Variants in SLC1A2 observed in about 807,000 individuals in gnomAD.
SLC1A2 encodes solute carrier family 1 member 2.
SLC1A2 carries 15 observed loss-of-function variants against 48.8 expected under a neutral mutation model. The observed-to-expected ratio is 0.31, with a 90% CI of 0.21 to 0.47. The LOEUF is 0.47. Ranked by LOEUF, SLC1A2 falls within the 20% of genes least tolerant of loss-of-function variation. The pLI is 0.99. For missense variants in SLC1A2, 502 were observed against 730.5 expected, an observed-to-expected ratio of 0.69 and a Z score of 3.61; for synonymous variants, 279 against 272.6, an observed-to-expected ratio of 1.02 and a Z score of -0.23.
chr11:35,333,830 T>A (rs1342244622), intron 1 of SLC1A2, among the ~76,000 whole-genome samples: 1 of 23,076 alleles, frequency 4.3e-5, no homozygotes, highest in African/African-American at 1.4e-4. Flanking sequence ...CCAGCTAATT[T>A]TTTTTTTTTT....
At chr11:35,264,560 C>G (rs1206316448) in intron 10 of SLC1A2, among the ~76,000 whole-genome samples, 1 of 152,194 alleles carries the variant, frequency 6.6e-6, no homozygotes, top group East Asian at 1.9e-4. Context: ...GAAGGCTAGA[C>G]AGAGCCCATC....
At chr11:35,300,578 C>T (rs967029257) in intron 6 of SLC1A2, among the ~76,000 whole-genome samples, 3 of 152,218 alleles carry the variant, frequency 2.0e-5, no homozygotes, top group African/African-American at 7.2e-5. Flanking sequence ...ACCAAATCTG[C>T]TAGTACCTTG....
At chr11:35,301,694 CT>C (rs775211916) in intron 5 of SLC1A2, 49 bp from the exon 6 acceptor site, 2 of 1,574,838 alleles carry the variant, frequency 1.3e-6, no homozygotes, top group East Asian at 2.3e-5. Flanking sequence ...AAAAAATGTA[CT>C]TTTTCTCCCT....
chr11:35,288,304 T>C (rs1466008118), intron 7 of SLC1A2, among the ~76,000 whole-genome samples: 1 of 152,232 alleles, frequency 6.6e-6, no homozygotes, highest in East Asian at 1.9e-4. Context: ...TCATGCCTCC[T>C]TCTTGGTCTG....
At chr11:35,294,254 A>C (rs1438907688) in intron 6 of SLC1A2, among the ~76,000 whole-genome samples, 1 of 152,222 alleles carries the variant, frequency 6.6e-6, no homozygotes, top group African/African-American at 2.4e-5. Flanking sequence ...GACACAAATT[A>C]GTTAAACTAA....
At chr11:35,301,393 A>G (rs11033064) in intron 6 of SLC1A2, 126 bp downstream of exon 6, 187,848 of 802,360 alleles carry the variant, frequency 0.23, 23,331 homozygotes, top group Admixed American at 0.28. Flanking sequence ...CCTTTCTCAA[A>G]GTCTTTCTGG....
intron 1 of SLC1A2, among the ~76,000 whole-genome samples, chr11:35,335,230 C>T (rs1337651510): frequency 6.6e-6 from 1 of 152,156 alleles, no homozygotes. Context: ...CAAACTTCTC[C>T]TCCAGTCTCA....
chr11:35,358,652 T>A (rs558697800), intron 1 of SLC1A2, among the ~76,000 whole-genome samples: 2 of 152,192 alleles, frequency 1.3e-5, no homozygotes, highest in African/African-American at 4.8e-5. Flanking sequence ...TATTTTTTTA[T>A]CATCATCTTG....
At chr11:35,287,020 G>GCATAAAT (rs1850844009) in intron 7 of SLC1A2, 69 bp from the exon 8 acceptor site, 2 of 1,191,232 alleles carry the variant, frequency 1.7e-6, no homozygotes, top group Non-Finnish European at 2.5e-6. Context: ...TGCATAAACT[G>GCATAAAT]GAATGCCACT....
intron 4 of SLC1A2, among the ~76,000 whole-genome samples, chr11:35,311,953 AC>A: frequency 8.5e-6 from 1 of 118,090 alleles, no homozygotes; most frequent in Non-Finnish European, 1.7e-5. Context: ...AGAAAGGAGG[AC>A]AATCCCACAG....
chr11:35,381,441 T>C (rs1322151708), intron 1 of SLC1A2, among the ~76,000 whole-genome samples: 1 of 150,684 alleles, frequency 6.6e-6, no homozygotes, highest in African/African-American at 2.4e-5. Context: ...ATGGGGAGAG[T>C]AGCAAAGTCT....
intron 1 of SLC1A2, among the ~76,000 whole-genome samples, chr11:35,403,533 C>T (rs553756882): frequency 2.0e-5 from 3 of 152,264 alleles, no homozygotes; most frequent in South Asian, 2.1e-4. Context: ...TGGGTCTGCA[C>T]GTAATTTGGG....
chr11:35,305,350 C>G (rs151236430), intron 5 of SLC1A2, among the ~76,000 whole-genome samples: 2 of 152,320 alleles, frequency 1.3e-5, no homozygotes, highest in African/African-American at 2.4e-5. Flanking sequence ...CACATTTCAT[C>G]CTCACAGTAA....
chr11:35,259,430 T>C lies in SLC1A2; in HGVS notation c.*1464A>G, dbSNP rs1185203453. On this transcript the variant is annotated 3_prime_UTR_variant, in exon 11 of 11. Coordinates refer to ENST00000278379, the MANE Select transcript of SLC1A2 (RefSeq NM_004171.4). The stretch of plus-strand genomic sequence containing the variant: ...ACCCAGCAACCTTAGGAAAATACTG[T>C]GCGTTATTCAATAAAAAAGGATAGT... 6.6e-6 allele frequency: 1 copy of C among 152,646 alleles called. No individual in the cohort carries two copies. Among genetic ancestry groups the C allele is most frequent in the Non-Finnish European group, 1.5e-5 (1 of 68,042 alleles). 9.5% of individuals were successfully genotyped at this position (152,646 alleles called of 1,614,324 possible).
chr11:35,335,642 G>A lies in SLC1A2; in HGVS notation c.18-18126C>T, dbSNP rs114533868. ...ACAGTCTATCATGAGTTACTACCAG[G>A]GTCTTCACAACAATGCCAAGCAAAA... is the stretch of plus-strand genomic sequence containing the variant. On this transcript the variant is annotated intron_variant, in intron 1 of 10. Coordinates refer to ENST00000278379, the MANE Select transcript of SLC1A2 (RefSeq NM_004171.4). Among the ~76,000 whole-genome samples the A allele has an allele frequency of 4.7e-3, 714 of 152,188 alleles. 5 individuals are homozygous for A. Among genetic ancestry groups the A allele is most frequent in the African/African-American group, 0.016 (680 of 41,498 alleles).
At chr11:35,357,591 C>A (rs769922722) in intron 1 of SLC1A2, among the ~76,000 whole-genome samples, 41 of 152,140 alleles carry the variant, frequency 2.7e-4, no homozygotes, top group African/African-American at 8.0e-4. Flanking sequence ...TGGAAACAAT[C>A]AAGTCCAATT....
At position 35,419,273 on chromosome 11, in the gene SLC1A2, C is replaced by A. The variant is rs1359707991; in HGVS notation, c.-307G>T. 1 of 348,870 alleles carries A rather than the reference C, an allele frequency of 2.9e-6. No homozygotes were observed. Among genetic ancestry groups the A allele is most frequent in the African/African-American group, 2.1e-5 (1 of 46,792 alleles). The allele number at this position is 348,870 out of a possible 1,614,324, so 21.6% of individuals were successfully genotyped here. Reference sequence around the variant, plus strand: ...TGGCTTCCCCGAGAGAGCGATGCGCCCAGGGCTGCAGGAGGGCGCACGCCG... The same window carrying A: ...TGGCTTCCCCGAGAGAGCGATGCGCACAGGGCTGCAGGAGGGCGCACGCCG... On this transcript the variant is annotated 5_prime_UTR_variant, in exon 1 of 11. Coordinates refer to ENST00000278379, the MANE Select transcript of SLC1A2 (RefSeq NM_004171.4). This position sits in a 1 kb window ranked among gnomAD's most constrained non-coding sequence, Gnocchi z 5.4.
intron 1 of SLC1A2, among the ~76,000 whole-genome samples, chr11:35,340,069 G>T (rs576861750): frequency 8.5e-5 from 13 of 152,188 alleles, no homozygotes; most frequent in African/African-American, 3.1e-4. Flanking sequence ...TTTCCTTGAG[G>T]CTTTGTAATA....
At position 35,311,922 on chromosome 11, in the gene SLC1A2, G is replaced by GAGAGAGAGAGAGAGAGAGAGAGAGA. The variant is rs772570653; in HGVS notation, c.561+275_561+276insTCTCTCTCTCTCTCTCTCTCTCTCT. 2.8e-4 allele frequency among the ~76,000 whole-genome samples: 3 copies of GAGAGAGAGAGAGAGAGAGAGAGAGA among 10,826 alleles called. 1 individual carries two copies. The highest frequency in any genetic ancestry group is 8.2e-4 in the Non-Finnish European group (3 of 3,676). 7.1% of individuals were successfully genotyped at this position (10,826 alleles called of 152,430 possible). ...GGAGAGAGAGAGAGAGAGAGAGAGA[G>GAGAGAGAGAGAGAGAGAGAGAGAGA]GCGGGGGGGGGGGGTGGGGGAGAAA... is the stretch of plus-strand genomic sequence containing the variant. On this transcript the variant is annotated intron_variant, in intron 4 of 10. Coordinates refer to ENST00000278379, the MANE Select transcript of SLC1A2 (RefSeq NM_004171.4).
Sources: gnomAD v4.1 joint callset for allele counts (sites outside exome capture counted in the v4.1 genomes callset) on GRCh38, gnomAD v4.1.1 for gene constraint, Gnocchi (gnomAD v3.1) non-coding constraint, MANE v1.5 for transcripts, NCBI Gene and HGNC (gene_info 2026-07-23, HGNC 2026-07-21) for gene names.